DRC10: variants seen among roughly 807,000 people sequenced by gnomAD.
DRC10 encodes the protein IQ domain-containing protein D.
the DRC10 span, among the ~76,000 whole-genome samples, chr12:113,198,078 A>C: frequency 1.3e-5 from 2 of 152,228 alleles, 1 homozygote; most frequent in South Asian, 4.1e-4. Flanking sequence ...TTAGCCAGGC[A>C]TGGTGATGCA....
chr12:113,196,695 CCTCCAGTGCT>C, the DRC10 span, among the ~76,000 whole-genome samples: 8 of 152,348 alleles, frequency 5.3e-5, no homozygotes, highest in South Asian at 2.1e-4. Context: ...GCGCATATTA[CCTCCAGTGCT>C]CTCCAGTGCT....
the DRC10 span, among the ~76,000 whole-genome samples, chr12:113,197,347 T>G: frequency 7.9e-5 from 12 of 152,118 alleles, no homozygotes; most frequent in African/African-American, 2.7e-4. Flanking sequence ...TTGCAGCTTC[T>G]GGCTCTTTTC....
At chr12:113,205,923 A>G in the DRC10 span, among the ~76,000 whole-genome samples, 2 of 146,890 alleles carry the variant, frequency 1.4e-5, no homozygotes, top group Admixed American at 6.8e-5. Flanking sequence ...AAAAAAAAAA[A>G]AGAAATCAAT....
At chr12:113,195,511 A>C in the DRC10 span, 1 of 1,501,518 alleles carries the variant, frequency 6.7e-7, no homozygotes, top group African/African-American at 1.4e-5. Context: ...AGTGCTCTCC[A>C]TCTCGGGCCT....
At chr12:113,209,596 G>A in the DRC10 span, among the ~76,000 whole-genome samples, 1 of 152,066 alleles carries the variant, frequency 6.6e-6, no homozygotes, top group Non-Finnish European at 1.5e-5. Flanking sequence ...ATGTTGCCCA[G>A]ACTGATCTTG....
the DRC10 span, among the ~76,000 whole-genome samples, chr12:113,216,585 A>C: frequency 2.0e-5 from 3 of 152,116 alleles, no homozygotes; most frequent in Non-Finnish European, 2.9e-5. Context: ...TAACAAATGC[A>C]CCACTCTGGT....
Sources: gnomAD v4.1 joint callset for allele counts (sites outside exome capture counted in the v4.1 genomes callset) on GRCh38, gnomAD v4.1.1 for gene constraint, MANE v1.5 for transcripts, NCBI Gene and HGNC (gene_info 2026-07-23, HGNC 2026-07-21) for gene names.